Variants in SH3BP4 observed in about 807,000 individuals in gnomAD.
SH3BP4 encodes SH3 domain-binding protein 4.
In SH3BP4, 33 loss-of-function variants were observed where a neutral mutation model predicts 65.5. The observed-to-expected ratio is 0.50, with a 90% confidence interval of 0.38 to 0.67. The LOEUF (loss-of-function observed/expected upper bound fraction) is 0.67, where lower values mean the gene tolerates loss of function less well. SH3BP4 is among the 30% of genes least tolerant of loss of function. SH3BP4 has a pLI of 0.00. For missense variants in SH3BP4, 1,134 were observed against 1,261.4 expected, an observed-to-expected ratio of 0.90 and a Z score of 1.53; for synonymous variants, 552 against 545.5, an observed-to-expected ratio of 1.01 and a Z score of -0.17.
intron 1 of SH3BP4, among the ~76,000 whole-genome samples, chr2:234,970,319 T>A (rs1462103302): frequency 6.6e-6 from 1 of 152,218 alleles, no homozygotes; most frequent in Non-Finnish European, 1.5e-5. Context: ...CCTTTGTGCA[T>A]CAGAATCAAC....
At chr2:235,022,705 G>A (rs1309602739) in intron 2 of SH3BP4, among the ~76,000 whole-genome samples, 1 of 152,146 alleles carries the variant, frequency 6.6e-6, no homozygotes, top group African/African-American at 2.4e-5. Context: ...GCTGTTGAGA[G>A]GATGGATTGT....
Position 235,030,800 on chromosome 2 carries a change from C to T in SH3BP4, c.-132-4071C>T, listed in dbSNP as rs1695160547. Among the ~76,000 whole-genome samples the T allele has an allele frequency of 6.6e-6, 1 of 152,152 alleles. No individual in the cohort carries two copies. Among genetic ancestry groups the T allele is most frequent in the African/African-American group, 2.4e-5 (1 of 41,436 alleles). ...TGGTGTCTGGAGGAGCAGAGCTTCCCTTTCAGCCCTCGGTGTGACTCCACC... is the reference window on the plus strand; with the variant it reads ...TGGTGTCTGGAGGAGCAGAGCTTCCTTTTCAGCCCTCGGTGTGACTCCACC... On this transcript the variant is annotated intron_variant, in intron 2 of 5. Transcript: ENST00000392011. The surrounding 1 kb of genome is among the most constrained non-coding windows in gnomAD (Gnocchi z 4.1).
At chr2:234,953,237 T>C (rs1049056382) in intron 1 of SH3BP4, 2 of 152,214 alleles carry the variant, frequency 1.3e-5, no homozygotes, top group African/African-American at 4.8e-5. Context: ...AAGCTAGAGA[T>C]AAAGAGAAAT....
At chr2:235,010,796 GA>G (rs1310034911) in intron 2 of SH3BP4, among the ~76,000 whole-genome samples, 3 of 109,166 alleles carry the variant, frequency 2.7e-5, no homozygotes, top group South Asian at 6.5e-4. Flanking sequence ...TCTCCTAGGA[GA>G]AACCTTCCTC....
intron 2 of SH3BP4, among the ~76,000 whole-genome samples, chr2:235,006,064 G>A (rs1014493670): frequency 2.6e-5 from 4 of 152,228 alleles, no homozygotes; most frequent in East Asian, 1.9e-4. Flanking sequence ...GGCAGGAGCC[G>A]CCTGTCCTGG....
chr2:234,990,434 A>G (rs185778983), intron 1 of SH3BP4, among the ~76,000 whole-genome samples: 24 of 152,216 alleles, frequency 1.6e-4, no homozygotes, highest in Admixed American at 1.2e-3. Flanking sequence ...CTTCACCTCA[A>G]CCCTTCAAGA....
Position 235,033,975 on chromosome 2 carries a change from C to T in SH3BP4, c.-132-896C>T, listed in dbSNP as rs1695285668. Among the ~76,000 whole-genome samples the T allele has an allele frequency of 6.6e-6, 1 of 152,134 alleles. No homozygotes were observed. Among genetic ancestry groups the T allele is most frequent in the Non-Finnish European group, 1.5e-5 (1 of 68,026 alleles). On this transcript the variant is annotated intron_variant, in intron 2 of 5. Coordinates refer to ENST00000392011, the MANE Select transcript of SH3BP4 (RefSeq NM_014521.3). The surrounding 1 kb of genome is among the most constrained non-coding windows in gnomAD (Gnocchi z 5.7). ...ATTTGCCTGCTCAGAGCTCTAAGTA[C>T]TGTGGCCAGCTGTGAAAGTGTCTGC... is the stretch of plus-strand genomic sequence containing the variant.
intron 1 of SH3BP4, chr2:234,953,187 T>A (rs2106235774): frequency 6.6e-6 from 1 of 152,382 alleles, no homozygotes; most frequent in South Asian, 2.1e-4. Flanking sequence ...TTCGCATAAC[T>A]TTTGTTCTGA....
chr2:234,994,241 A>G (rs1693845137), intron 1 of SH3BP4, among the ~76,000 whole-genome samples: 1 of 152,180 alleles, frequency 6.6e-6, no homozygotes, highest in African/African-American at 2.4e-5. Flanking sequence ...AACACCAGCC[A>G]GTTGTCCTAG....
intron 1 of SH3BP4, among the ~76,000 whole-genome samples, chr2:234,983,992 A>C (rs1157036966): frequency 1.3e-5 from 2 of 152,222 alleles, no homozygotes; most frequent in Non-Finnish European, 2.9e-5. Context: ...CATCGATAGG[A>C]AAGTCACGCA....
chr2:235,006,062 C>G (rs1694283524), intron 2 of SH3BP4, among the ~76,000 whole-genome samples: 1 of 152,260 alleles, frequency 6.6e-6, no homozygotes, highest in African/African-American at 2.4e-5. Flanking sequence ...TGGGCAGGAG[C>G]CGCCTGTCCT....
intron 2 of SH3BP4, among the ~76,000 whole-genome samples, chr2:234,998,087 C>T (rs1188195703): frequency 6.6e-6 from 1 of 152,036 alleles, no homozygotes; most frequent in African/African-American, 2.4e-5. Context: ...TGCACCACTG[C>T]ACTCCAGCCT....
Position 234,973,231 on chromosome 2 carries a change from C to T in SH3BP4, c.-207+21061C>T, listed in dbSNP as rs565748492. 5.3e-5 allele frequency among the ~76,000 whole-genome samples: 8 copies of T among 152,288 alleles called. No homozygotes were observed. In the South Asian group the frequency reaches 8.3e-4, roughly 16 times the overall value. ...GTGGTTTCACTGGCAGTGCTGACGTCGCCCACACACCATCCACCTGTGAGC... is the reference window on the plus strand; with the variant it reads ...GTGGTTTCACTGGCAGTGCTGACGTTGCCCACACACCATCCACCTGTGAGC... On this transcript the variant is annotated intron_variant, in intron 1 of 5. Transcript: ENST00000392011.
rs376190152 is a variant in SH3BP4, at chr2:234,969,277, C to T, written c.-207+17107C>T. Among the ~76,000 whole-genome samples the T allele has an allele frequency of 3.2e-4, 49 of 152,304 alleles. 1 individual carries two copies. The South Asian group carries it at 9.9e-3, about 31-fold the overall frequency. On this transcript the variant is annotated intron_variant, in intron 1 of 5. Coordinates refer to ENST00000392011, the MANE Select transcript of SH3BP4 (RefSeq NM_014521.3). ...TGGTTTTGGTTTTGTACGTTCGGTG[C>T]TCTGATCTGCGGGTGGCTTTGGGGA...
Position 234,976,008 on chromosome 2 carries a change from C to T in SH3BP4, c.-206-19295C>T, listed in dbSNP as rs1047495176. Among the ~76,000 whole-genome samples, 4 of 152,268 alleles carry T rather than the reference C, an allele frequency of 2.6e-5. No homozygotes were observed. Among genetic ancestry groups the T allele is most frequent in the Non-Finnish European group, 5.9e-5 (4 of 68,048 alleles). ...CTTTTCTCCAGCCTCAGTTTCCTGT[C>T]TCGTCAGCCCCATAGAAACTGAGCT... On this transcript the variant is annotated intron_variant, in intron 1 of 5. Transcript: ENST00000392011. This position sits in a 1 kb window ranked among gnomAD's most constrained non-coding sequence, Gnocchi z 4.7.
chr2:235,000,034 C>T (rs1462794404), intron 2 of SH3BP4, among the ~76,000 whole-genome samples: 1 of 152,212 alleles, frequency 6.6e-6, no homozygotes, highest in African/African-American at 2.4e-5. Context: ...ATTGATTCAC[C>T]TGTACCTGGT....
intron 1 of SH3BP4, among the ~76,000 whole-genome samples, chr2:234,963,177 T>TG (rs1283712101): frequency 1.1e-4 from 17 of 152,380 alleles, no homozygotes; most frequent in African/African-American, 4.1e-4. Context: ...CCCTGTTTGT[T>TG]TAATAAGTGT....
chr2:234,972,124 T>TG lies in SH3BP4; in HGVS notation c.-207+19954_-207+19955insG, dbSNP rs1203074352. Among the ~76,000 whole-genome samples the TG allele has an allele frequency of 2.6e-4, 37 of 142,748 alleles. No individual in the cohort carries two copies. The East Asian group carries it at 7.1e-3, about 27-fold the overall frequency. 93.6% of individuals were successfully genotyped at this position (142,748 alleles called of 152,430 possible). On this transcript the variant is annotated intron_variant, in intron 1 of 5. Coordinates refer to ENST00000392011, the MANE Select transcript of SH3BP4 (RefSeq NM_014521.3). The stretch of plus-strand genomic sequence containing the variant: ...GCCACCGTGCCCGGCCTTTTTTTTT[T>TG]TTGTTTTTTGTTTTTTTTTTGTTTT...
chr2:235,049,381 T>G (rs913609658), intron 4 of SH3BP4, among the ~76,000 whole-genome samples: 12 of 152,198 alleles, frequency 7.9e-5, no homozygotes, highest in African/African-American at 2.9e-4. Flanking sequence ...GAGGCCACTT[T>G]GGAGCCAGGC....
Sources: gnomAD v4.1 joint callset for allele counts (sites outside exome capture counted in the v4.1 genomes callset) on GRCh38, gnomAD v4.1.1 for gene constraint, Gnocchi (gnomAD v3.1) non-coding constraint, MANE v1.5 for transcripts, NCBI Gene and HGNC (gene_info 2026-07-23, HGNC 2026-07-21) for gene names.